EYS: variants seen among roughly 807,000 people sequenced by gnomAD.
The protein encoded by EYS is protein eyes shut homolog.
EYS carries 250 observed loss-of-function variants against 282.1 expected under a neutral mutation model. That is an observed-to-expected ratio of 0.89 (90% CI 0.80 to 0.98). The LOEUF is 0.98. EYS is among the 50% of genes least tolerant of loss of function. The probability of loss-of-function intolerance (pLI) is 0.00; values close to 1 mark genes in which losing one functional copy is unlikely to be tolerated. For synonymous variants in EYS, 1,355 were observed against 1,282.9 expected, an observed-to-expected ratio of 1.06 and a Z score of -1.20; for missense variants, 4,016 against 3,709.0, an observed-to-expected ratio of 1.08 and a Z score of -2.15.
intron 15 of EYS, among the ~76,000 whole-genome samples, chr6:64,936,462 C>T (rs1374036806): frequency 6.6e-6 from 1 of 151,090 alleles, no homozygotes; most frequent in African/African-American, 2.4e-5. Flanking sequence ...AAACATAAAA[C>T]AGAAAAAAAC....
chr6:64,448,497 T>C (rs1021700843), intron 26 of EYS, among the ~76,000 whole-genome samples: 1 of 152,162 alleles, frequency 6.6e-6, no homozygotes, highest in Non-Finnish European at 1.5e-5. Flanking sequence ...CCGATAGCTT[T>C]GAAGAGAGTA....
chr6:64,945,672 T>A, intron 15 of EYS, 121 bp downstream of exon 15: 1 of 911,368 alleles, frequency 1.1e-6, no homozygotes, highest in Non-Finnish European at 1.6e-6. Flanking sequence ...AAATGGCTCT[T>A]CATTGCTGGA....
At chr6:65,681,579 C>T (rs958890330) in intron 1 of EYS, among the ~76,000 whole-genome samples, 5 of 151,784 alleles carry the variant, frequency 3.3e-5, no homozygotes, top group African/African-American at 9.7e-5. Context: ...TTAAATTTTC[C>T]CCTTAGACAT....
At chr6:63,931,460 C>T (rs1213053298) in intron 35 of EYS, among the ~76,000 whole-genome samples, 1 of 152,190 alleles carries the variant, frequency 6.6e-6, no homozygotes, top group African/African-American at 2.4e-5. Context: ...TGCTCTACTA[C>T]TCATTCTGCT....
At chr6:64,465,703 A>G (rs1033440322) in intron 26 of EYS, among the ~76,000 whole-genome samples, 1 of 151,148 alleles carries the variant, frequency 6.6e-6, no homozygotes, top group Non-Finnish European at 1.5e-5. Flanking sequence ...ATTTTTTTGG[A>G]TGTGAACCAA....
intron 30 of EYS, among the ~76,000 whole-genome samples, chr6:64,253,525 C>T (rs1251416945): frequency 1.3e-5 from 2 of 152,170 alleles, no homozygotes; most frequent in Non-Finnish European, 1.5e-5. Context: ...GTCAGCGCTA[C>T]AAATTATTTC....
intron 15 of EYS, among the ~76,000 whole-genome samples, chr6:64,939,343 TAA>T (rs1769013834): frequency 6.6e-6 from 1 of 151,818 alleles, no homozygotes. Context: ...ATGAAATGAC[TAA>T]GAGTTTGTCT....
chr6:63,939,229 T>G (rs1420199270), intron 35 of EYS, among the ~76,000 whole-genome samples: 1 of 152,092 alleles, frequency 6.6e-6, no homozygotes, highest in Non-Finnish European at 1.5e-5. Flanking sequence ...AAATTACTCT[T>G]TCAAAGTTAC....
intron 22 of EYS, among the ~76,000 whole-genome samples, chr6:64,718,699 A>G (rs9342394): frequency 0.68 from 103,131 of 152,080 alleles, 37,233 homozygotes; most frequent in Non-Finnish European, 0.81. Flanking sequence ...GATCCTCTTC[A>G]GTACTCCCTG....
At chr6:65,465,967 T>TATCAATCA (rs34867855) in intron 5 of EYS, among the ~76,000 whole-genome samples, 2 of 150,446 alleles carry the variant, frequency 1.3e-5, no homozygotes, top group East Asian at 2.0e-4. Context: ...TAAGACCCTG[T>TATCAATCA]ATCAATCAAT....
intron 26 of EYS, among the ~76,000 whole-genome samples, chr6:64,475,953 T>C (rs1172075410): frequency 1.3e-5 from 2 of 152,082 alleles, no homozygotes; most frequent in South Asian, 2.1e-4. Flanking sequence ...TGCTCAGTTA[T>C]TTTTTTGAAA....
chr6:63,987,662 C>G (rs1377930975), intron 34 of EYS, among the ~76,000 whole-genome samples: 1 of 151,520 alleles, frequency 6.6e-6, no homozygotes, highest in East Asian at 1.9e-4. Flanking sequence ...ATCCCAATTC[C>G]CAAAACACAC....
intron 18 of EYS, among the ~76,000 whole-genome samples, chr6:64,892,969 C>T (rs1243490951): frequency 1.3e-5 from 2 of 152,042 alleles, no homozygotes; most frequent in African/African-American, 2.4e-5. Context: ...GTAATGATCT[C>T]GCTATGATAA....
intron 12 of EYS, among the ~76,000 whole-genome samples, chr6:65,231,515 G>T (rs1393396071): frequency 4.6e-5 from 7 of 151,582 alleles, no homozygotes. Flanking sequence ...AAATCATCAT[G>T]ATGGCTCAAA....
intron 31 of EYS, among the ~76,000 whole-genome samples, chr6:64,225,845 A>G (rs955676900): frequency 1.5e-4 from 23 of 152,172 alleles, no homozygotes; most frequent in Non-Finnish European, 1.5e-4. Flanking sequence ...CCTGTCTTTG[A>G]TAATAGGTAA....
intron 12 of EYS, among the ~76,000 whole-genome samples, chr6:65,090,237 G>T (rs1774516936): frequency 6.6e-6 from 1 of 152,046 alleles, no homozygotes; most frequent in Non-Finnish European, 1.5e-5. Flanking sequence ...CCTTGCAATT[G>T]TCATGATAAT....
chr6:63,782,101 A>C lies in EYS; in HGVS notation c.7724-3921T>G, dbSNP rs927458254. 9.9e-5 allele frequency among the ~76,000 whole-genome samples: 15 copies of C among 152,270 alleles called. No homozygotes were observed. In the East Asian group the frequency reaches 1.2e-3, roughly 12 times the overall value. ...AGCCTTGCATCCCAGGGATGAAGCC[A>C]ACTTGATCATGGTGGATAAGCTTTT... On this transcript the variant is annotated intron_variant, in intron 39 of 42. Transcript: ENST00000503581.
chr6:64,102,193 T>C lies in EYS; in HGVS notation c.6425-20191A>G, dbSNP rs553390511. On this transcript the variant is annotated intron_variant, in intron 31 of 42. Transcript: ENST00000503581. ...TGAATGTGTAGCATAATATTCTTCT[T>C]TATGTTTTTGAAATAATGACTTTTA... Among the ~76,000 whole-genome samples the C allele has an allele frequency of 7.9e-5, 12 of 152,304 alleles. No homozygotes were observed. The East Asian group carries it at 2.3e-3, about 29-fold the overall frequency.
intron 35 of EYS, among the ~76,000 whole-genome samples, chr6:63,894,911 A>G (rs961557470): frequency 6.6e-6 from 1 of 152,022 alleles, no homozygotes; most frequent in Non-Finnish European, 1.5e-5. Flanking sequence ...TAAGCCACTC[A>G]GTTTGTGGTA....
Sources: allele counts gnomAD v4.1 joint callset (sites outside exome capture counted in the v4.1 genomes callset), GRCh38; gene constraint gnomAD v4.1.1; transcripts MANE v1.5; gene names NCBI Gene and HGNC (gene_info 2026-07-23, HGNC 2026-07-21).